Variants in DISC1 observed in about 807,000 individuals in gnomAD.
The protein encoded by DISC1 is disrupted in schizophrenia 1 protein.
Under a neutral mutation model 84.5 loss-of-function variants are expected in DISC1, and 57 were observed. That is an observed-to-expected ratio of 0.67 (90% CI 0.55 to 0.84). DISC1 has a LOEUF of 0.84. Among genes scored for constraint, DISC1 ranks in the 40% least tolerant of loss-of-function variants. The pLI is 0.00. For missense variants in DISC1, 1,000 were observed against 1,057.8 expected (o/e 0.95, Z 0.76); for synonymous variants, 411 against 415.2 (o/e 0.99, Z 0.12).
At chr1:231,702,664 A>G (rs552571357) in intron 3 of DISC1, 3 of 958,196 alleles carry the variant, frequency 3.1e-6, no homozygotes, top group East Asian at 2.3e-4. Context: ...CAAAAAAACC[A>G]ATTAAAATGA....
chr1:231,853,604 A>G (rs1421339741), intron 9 of DISC1, among the ~76,000 whole-genome samples: 1 of 152,234 alleles, frequency 6.6e-6, no homozygotes, highest in African/African-American at 2.4e-5. Flanking sequence ...ACTAGCATTA[A>G]AGTTCTTCCG....
chr1:231,902,707 C>T (rs971131592), intron 9 of DISC1, among the ~76,000 whole-genome samples: 2 of 152,094 alleles, frequency 1.3e-5, no homozygotes, highest in Non-Finnish European at 2.9e-5. Flanking sequence ...AGTCTGAAAT[C>T]GAGGTGTTGT....
At chr1:232,027,646 G>C (rs916919480) in intron 12 of DISC1, among the ~76,000 whole-genome samples, 1 of 152,184 alleles carries the variant, frequency 6.6e-6, no homozygotes. Context: ...CACTTCTCTA[G>C]CTAAAAACAC....
chr1:231,683,424 GA>G lies in DISC1; in HGVS notation c.68-10401del, dbSNP rs1454642717. 3.6e-3 allele frequency among the ~76,000 whole-genome samples: 459 copies of G among 129,156 alleles called. 6 individuals are homozygous for G. The highest frequency in any genetic ancestry group is 0.013 in the African/African-American group (440 of 32,860). 84.7% of individuals were successfully genotyped at this position (129,156 alleles called of 152,430 possible). A position where few individuals can be genotyped will look rare whatever the true frequency, so the allele number is the denominator to read the frequency against. ...CAGAATTTTTAAAAGATACCACCAT[GA>G]TTTTTTTTTTTTTTTTTTGAGACAG... On this transcript the variant is annotated intron_variant, in intron 1 of 12. Transcript: ENST00000439617.
chr1:231,803,491 T>TA (rs2079444443), intron 8 of DISC1, among the ~76,000 whole-genome samples: 1 of 152,142 alleles, frequency 6.6e-6, no homozygotes, highest in Non-Finnish European at 1.5e-5. Context: ...TGCAGTCGTC[T>TA]AAAGGCTTGG....
At chr1:231,780,215 T>G (rs1272053926) in intron 6 of DISC1, among the ~76,000 whole-genome samples, 3 of 123,552 alleles carry the variant, frequency 2.4e-5, no homozygotes, top group Non-Finnish European at 3.2e-5. Context: ...TGTGCACATG[T>G]ACCCTAAAAC....
At chr1:231,781,100 G>A (rs1293810533) in intron 6 of DISC1, among the ~76,000 whole-genome samples, 9 of 141,826 alleles carry the variant, frequency 6.3e-5, no homozygotes, top group African/African-American at 2.4e-4. Context: ...CATGGCACAT[G>A]TATATATATG....
intron 9 of DISC1, among the ~76,000 whole-genome samples, chr1:231,907,647 G>A (rs2088842491): frequency 1.3e-5 from 2 of 152,178 alleles, no homozygotes; most frequent in South Asian, 4.1e-4. Context: ...GTGTGCATGT[G>A]TCTTTATAGT....
chr1:231,743,980 G>T (rs1430668644), intron 3 of DISC1, among the ~76,000 whole-genome samples: 1 of 152,104 alleles, frequency 6.6e-6, no homozygotes, highest in African/African-American at 2.4e-5. Flanking sequence ...TGAGAGGCAC[G>T]CTGTGACTCA....
Position 231,713,680 on chromosome 1 carries a change from G to T in DISC1, c.1117+11656G>T, listed in dbSNP as rs1269299689. Reference sequence around the variant, plus strand: ...GGGACCTCTAGGACATCATGAAGCAGATATATATATATATATATAGGAGAT... The same window carrying T: ...GGGACCTCTAGGACATCATGAAGCATATATATATATATATATATAGGAGAT... On this transcript the variant is annotated intron_variant, in intron 3 of 12. Coordinates refer to ENST00000439617, the MANE Select transcript of DISC1 (RefSeq NM_018662.3). 5.0e-5 allele frequency among the ~76,000 whole-genome samples: 6 copies of T among 120,812 alleles called. No homozygotes were observed. In the East Asian group the frequency reaches 1.2e-3, roughly 23 times the overall value. The allele number at this position is 120,812 out of a possible 152,430, so 79.3% of individuals were successfully genotyped here.
intron 6 of DISC1, among the ~76,000 whole-genome samples, chr1:231,780,204 A>G (rs2077299820): frequency 6.8e-6 from 1 of 146,574 alleles, no homozygotes; most frequent in South Asian, 2.2e-4. Context: ...AACCTGCACA[A>G]TGTGCACATG....
chr1:231,708,553 G>A (rs77898913), intron 3 of DISC1, among the ~76,000 whole-genome samples: 208 of 152,252 alleles, frequency 1.4e-3, no homozygotes, highest in Admixed American at 3.3e-3. Flanking sequence ...TTCCATGGTG[G>A]GCACATTCTC....
intron 2 of DISC1, among the ~76,000 whole-genome samples, chr1:231,700,348 A>G (rs1029961691): frequency 2.6e-5 from 4 of 152,132 alleles, no homozygotes; most frequent in African/African-American, 9.7e-5. Flanking sequence ...TGAATAGGAA[A>G]TTTATTTTCT....
chr1:231,770,750 T>C, intron 5 of DISC1, 85 bp from the exon 6 acceptor site: 1 of 1,555,292 alleles, frequency 6.4e-7, no homozygotes, highest in Non-Finnish European at 8.7e-7. Flanking sequence ...TATGGCCAAT[T>C]CTCATTTAAA....
At chr1:231,925,219 G>T (rs1451477613) in intron 9 of DISC1, among the ~76,000 whole-genome samples, 1 of 152,162 alleles carries the variant, frequency 6.6e-6, no homozygotes, top group African/African-American at 2.4e-5. Context: ...TTCAAGGCTT[G>T]CTCACTGCTT....
intron 10 of DISC1, among the ~76,000 whole-genome samples, chr1:232,005,126 C>A (rs1318221971): frequency 9.3e-6 from 1 of 107,322 alleles, no homozygotes; most frequent in African/African-American, 3.5e-5. Context: ...TATTTTCTTT[C>A]TCTTTTTGTT....
chr1:231,642,887 T>G (rs1373953851), intron 1 of DISC1, among the ~76,000 whole-genome samples: 1 of 152,222 alleles, frequency 6.6e-6, no homozygotes. Flanking sequence ...CTCAGGTGTT[T>G]TAGCTCCAGG....
chr1:231,704,017 G>A (rs554082167), intron 3 of DISC1, among the ~76,000 whole-genome samples: 180 of 152,310 alleles, frequency 1.2e-3, no homozygotes, highest in African/African-American at 4.0e-3. Flanking sequence ...AGAAATCTGT[G>A]CAGCAGACAA....
chr1:231,895,875 A>C (rs1350690145), intron 9 of DISC1, among the ~76,000 whole-genome samples: 1 of 152,098 alleles, frequency 6.6e-6, no homozygotes. Flanking sequence ...CTTTGCCCCA[A>C]ATTCATTTCC....
Sources: gnomAD v4.1 joint callset for allele counts (sites outside exome capture counted in the v4.1 genomes callset) on GRCh38, gnomAD v4.1.1 for gene constraint, MANE v1.5 for transcripts, NCBI Gene and HGNC (gene_info 2026-07-23, HGNC 2026-07-21) for gene names.